GRK5: variants seen among roughly 807,000 people sequenced by gnomAD.
The protein encoded by GRK5 is g protein-coupled receptor kinase GRK5.
GRK5 carries 40 observed loss-of-function variants against 78.4 expected under a neutral mutation model. That is an observed-to-expected ratio of 0.51 (90% CI 0.40 to 0.66). The LOEUF is 0.66. Among genes scored for constraint, GRK5 ranks in the 30% least tolerant of loss-of-function variants. GRK5 has a pLI of 0.00. For synonymous variants in GRK5, 289 were observed against 296.8 expected, an observed-to-expected ratio of 0.97 and a Z score of 0.27; for missense variants, 598 against 759.9, an observed-to-expected ratio of 0.79 and a Z score of 2.50.
At chr10:119,428,900 A>G (rs1852756934) in intron 6 of GRK5, among the ~76,000 whole-genome samples, 2 of 152,178 alleles carry the variant, frequency 1.3e-5, no homozygotes, top group Non-Finnish European at 2.9e-5. Flanking sequence ...GGGAGCTTGC[A>G]TTCCACTCAT....
intron 3 of GRK5, among the ~76,000 whole-genome samples, chr10:119,383,900 A>G (rs372566187): frequency 3.3e-4 from 51 of 152,316 alleles, no homozygotes; most frequent in African/African-American, 1.1e-3. Context: ...TATTACCACT[A>G]GGCCATCGAT....
rs535557170 is a variant in GRK5, at chr10:119,305,153, A to T, written c.53-21363A>T. On this transcript the variant is annotated intron_variant, in intron 1 of 15. Coordinates refer to ENST00000392870, the MANE Select transcript of GRK5 (RefSeq NM_005308.3). ...GGTTGGCAGCGAGGACTTGACCTAG[A>T]GCCTCTGACCTTCCACCTCCCTGGG... Among the ~76,000 whole-genome samples, 351 of 152,188 alleles carry T rather than the reference A, an allele frequency of 2.3e-3. 2 individuals are homozygous for T. Among genetic ancestry groups the T allele is most frequent in the Middle Eastern group, 0.01 (3 of 294 alleles).
intron 1 of GRK5, among the ~76,000 whole-genome samples, chr10:119,301,584 T>C (rs1021757257): frequency 1.3e-5 from 2 of 152,180 alleles, no homozygotes; most frequent in African/African-American, 4.8e-5. Context: ...CGATGGCTGC[T>C]GAGGAAGTGA....
At chr10:119,367,542 G>T (rs961382786) in intron 2 of GRK5, among the ~76,000 whole-genome samples, 14 of 152,230 alleles carry the variant, frequency 9.2e-5, no homozygotes, top group African/African-American at 3.1e-4. Context: ...CACATGGTTG[G>T]CTGGGAGAAT....
At position 119,412,448 on chromosome 10, in the gene GRK5, G is replaced by C. The variant is rs546432542; in HGVS notation, c.340-10718G>C. Among the ~76,000 whole-genome samples, 11 of 152,276 alleles carry C rather than the reference G, an allele frequency of 7.2e-5. No homozygotes were observed. The East Asian group carries it at 2.1e-3, about 30-fold the overall frequency. ...AGGCCCAGGGTGGAGGGAGGGACAG[G>C]CCACGAGCCCGCACAGCTCGTGAGC... On this transcript the variant is annotated intron_variant, in intron 4 of 15. Coordinates refer to ENST00000392870, the MANE Select transcript of GRK5 (RefSeq NM_005308.3). This position sits in a 1 kb window ranked among gnomAD's most constrained non-coding sequence, Gnocchi z 4.3.
chr10:119,331,955 A>G (rs1351419068), intron 2 of GRK5, among the ~76,000 whole-genome samples: 1 of 152,226 alleles, frequency 6.6e-6, no homozygotes, highest in Non-Finnish European at 1.5e-5. Flanking sequence ...GCTTTTATAG[A>G]TAAAATAGAA....
intron 1 of GRK5, among the ~76,000 whole-genome samples, chr10:119,312,462 C>G (rs75994835): frequency 6.6e-6 from 1 of 152,128 alleles, no homozygotes; most frequent in Non-Finnish European, 1.5e-5. Flanking sequence ...GAGCCCAATC[C>G]GGCCACTGCC....
At chr10:119,295,074 C>T (rs1013866567) in intron 1 of GRK5, among the ~76,000 whole-genome samples, 2 of 151,762 alleles carry the variant, frequency 1.3e-5, no homozygotes, top group African/African-American at 4.8e-5. Context: ...CCTGTAGTCC[C>T]AGCTACTCAG....
intron 1 of GRK5, among the ~76,000 whole-genome samples, chr10:119,245,385 A>C (rs970357479): frequency 5.9e-5 from 9 of 152,346 alleles, no homozygotes; most frequent in African/African-American, 2.2e-4. Context: ...CAAAGTCTAT[A>C]GGTAAATGAA....
chr10:119,339,242 C>T (rs1000487105), intron 2 of GRK5, among the ~76,000 whole-genome samples: 1 of 152,188 alleles, frequency 6.6e-6, no homozygotes, highest in Non-Finnish European at 1.5e-5. Flanking sequence ...ATGGGAAAAA[C>T]AAGCTCGTTT....
chr10:119,432,544 C>G (rs985296635), intron 8 of GRK5, among the ~76,000 whole-genome samples: 2 of 152,256 alleles, frequency 1.3e-5, no homozygotes, highest in African/African-American at 4.8e-5. Flanking sequence ...AAGCTTCCCT[C>G]TTTGAGTAAT....
At chr10:119,444,898 A>T (rs1853112893) in intron 12 of GRK5, among the ~76,000 whole-genome samples, 1 of 152,214 alleles carries the variant, frequency 6.6e-6, no homozygotes, top group Non-Finnish European at 1.5e-5. Context: ...AAAAGTCGCA[A>T]TGCTTCTGCT....
intron 1 of GRK5, among the ~76,000 whole-genome samples, chr10:119,230,615 T>G (rs1440811448): frequency 1.3e-5 from 2 of 151,896 alleles, no homozygotes; most frequent in African/African-American, 4.8e-5. Context: ...CCACAACATG[T>G]GGGAATTCAA....
intron 1 of GRK5, among the ~76,000 whole-genome samples, chr10:119,270,860 A>AG (rs1849571876): frequency 6.6e-6 from 1 of 152,180 alleles, no homozygotes; most frequent in African/African-American, 2.4e-5. Flanking sequence ...AAGGAAAAAA[A>AG]CTCACTTCAT....
In GRK5 at chr10:119,314,193, G is replaced by A. The variant is rs370131607; in HGVS notation, c.53-12323G>A. On this transcript the variant is annotated intron_variant, in intron 1 of 15. Coordinates refer to ENST00000392870, the MANE Select transcript of GRK5 (RefSeq NM_005308.3). ...TGCCCCCACTTTGGGTGGAATCCTT[G>A]AGCATAGCAAGCCCCTGACTGAGCG... 3.5e-4 allele frequency among the ~76,000 whole-genome samples: 53 copies of A among 152,320 alleles called. 2 individuals carry two copies. Among genetic ancestry groups the A allele is most frequent in the African/African-American group, 1.3e-3 (52 of 41,568 alleles).
At chr10:119,255,053 AAAAAG>A (rs1849259049) in intron 1 of GRK5, among the ~76,000 whole-genome samples, 1 of 148,394 alleles carries the variant, frequency 6.7e-6, no homozygotes, top group Admixed American at 6.9e-5. Flanking sequence ...AAAAAAAAAA[AAAAAG>A]AAGGAAAAAC....
In GRK5 at chr10:119,412,748, G is replaced by A. The variant is rs750012136; in HGVS notation, c.340-10418G>A. Among the ~76,000 whole-genome samples the A allele has an allele frequency of 5.9e-5, 9 of 152,170 alleles. No individual in the cohort carries two copies. The highest frequency in any genetic ancestry group is 2.1e-4 in the South Asian group (1 of 4,828). Reference sequence around the variant, plus strand: ...CCTCAAGTGAGGAAATGCTCTCTGCGCCTGCTGCTCAGCAAACCTTTTTCT... The same window carrying A: ...CCTCAAGTGAGGAAATGCTCTCTGCACCTGCTGCTCAGCAAACCTTTTTCT... On this transcript the variant is annotated intron_variant, in intron 4 of 15. Coordinates refer to ENST00000392870, the MANE Select transcript of GRK5 (RefSeq NM_005308.3). The surrounding 1 kb of genome is among the most constrained non-coding windows in gnomAD (Gnocchi z 4.3).
chr10:119,233,177 GTT>G (rs1164667779), intron 1 of GRK5, among the ~76,000 whole-genome samples: 1 of 152,178 alleles, frequency 6.6e-6, no homozygotes, highest in Non-Finnish European at 1.5e-5. Context: ...GGTGTCTGTT[GTT>G]TTTCTGGCCC....
At chr10:119,284,003 G>T (rs1053995378) in intron 1 of GRK5, among the ~76,000 whole-genome samples, 1 of 152,168 alleles carries the variant, frequency 6.6e-6, no homozygotes, top group Non-Finnish European at 1.5e-5. Flanking sequence ...CCAGCTCTGG[G>T]CAGTGTACTT....
Sources: gnomAD v4.1 joint callset for allele counts (sites outside exome capture counted in the v4.1 genomes callset) on GRCh38, gnomAD v4.1.1 for gene constraint, Gnocchi (gnomAD v3.1) non-coding constraint, MANE v1.5 for transcripts, NCBI Gene and HGNC (gene_info 2026-07-23, HGNC 2026-07-21) for gene names.